The following STPG2 variants were observed in gnomAD, a reference collection of about 807,000 sequenced individuals.
STPG2 encodes sperm-tail PG-rich repeat-containing protein 2.
STPG2 carries 56 observed loss-of-function variants against 54.2 expected under a neutral mutation model. That is an observed-to-expected ratio of 1.03 (90% CI 0.83 to 1.29). The LOEUF is 1.29. STPG2 is among the 50% of genes most tolerant of loss of function. The pLI, the probability that STPG2 is intolerant of heterozygous loss-of-function variation, is 0.00. For synonymous variants in STPG2, 200 were observed against 181.8 expected (o/e 1.10, Z -0.81); for missense variants, 596 against 544.9 (o/e 1.09, Z -0.93).
At chr4:97,808,343 A>G (rs1727634477) in intron 9 of STPG2, among the ~76,000 whole-genome samples, 1 of 152,038 alleles carries the variant, frequency 6.6e-6, no homozygotes, top group Non-Finnish European at 1.5e-5. Flanking sequence ...AAACAAAATT[A>G]AAATGTTATA....
At chr4:97,762,995 C>T (rs952086610) in intron 9 of STPG2, among the ~76,000 whole-genome samples, 4 of 152,012 alleles carry the variant, frequency 2.6e-5, no homozygotes, top group Non-Finnish European at 4.4e-5. Flanking sequence ...CTTAACATAC[C>T]TCTGTTTCCC....
chr4:97,937,310 A>T (rs752932747), intron 8 of STPG2, among the ~76,000 whole-genome samples: 1 of 151,934 alleles, frequency 6.6e-6, no homozygotes, highest in Non-Finnish European at 1.5e-5. Context: ...GCTTCTTTGC[A>T]TTGGGTTAGA....
At chr4:97,565,484 C>T (rs1394204057) in intron 10 of STPG2, among the ~76,000 whole-genome samples, 3 of 152,190 alleles carry the variant, frequency 2.0e-5, no homozygotes, top group Non-Finnish European at 2.9e-5. Context: ...TGAGGAGCTG[C>T]GTTCCTTTGT....
chr4:97,911,529 T>A (rs1217863554), intron 8 of STPG2, among the ~76,000 whole-genome samples: 2 of 152,092 alleles, frequency 1.3e-5, no homozygotes, highest in Non-Finnish European at 2.9e-5. Flanking sequence ...TGGTCCAGAT[T>A]GGGAGGAATT....
chr4:97,682,149 T>C (rs150324860), intron 10 of STPG2, among the ~76,000 whole-genome samples: 1 of 151,766 alleles, frequency 6.6e-6, no homozygotes, highest in Non-Finnish European at 1.5e-5. Flanking sequence ...ATGAATTATA[T>C]AGGTCACAGT....
intron 9 of STPG2, among the ~76,000 whole-genome samples, chr4:97,771,811 G>T (rs1726227879): frequency 6.6e-6 from 1 of 152,228 alleles, no homozygotes; most frequent in African/African-American, 2.4e-5. Flanking sequence ...GGAGTACCAT[G>T]GGAAACAGAT....
At chr4:97,939,939 T>G (rs889282933) in intron 8 of STPG2, among the ~76,000 whole-genome samples, 2 of 152,150 alleles carry the variant, frequency 1.3e-5, no homozygotes, top group South Asian at 2.1e-4. Context: ...TAGCTGGTAG[T>G]GGTGTTTCCT....
chr4:97,888,491 G>A (rs1311809795), intron 8 of STPG2, among the ~76,000 whole-genome samples: 4 of 152,172 alleles, frequency 2.6e-5, no homozygotes, highest in African/African-American at 9.7e-5. Flanking sequence ...TTTCAGATTT[G>A]TACAGGGCCT....
At chr4:97,474,206 T>C (rs1730016023) in intron 4 of STPG2, among the ~76,000 whole-genome samples, 1 of 152,004 alleles carries the variant, frequency 6.6e-6, no homozygotes, top group South Asian at 2.1e-4. Flanking sequence ...GAACTCTCCA[T>C]ACATTTTGTT....
chr4:98,035,480 G>A (rs1332271215), intron 5 of STPG2, among the ~76,000 whole-genome samples: 8 of 152,116 alleles, frequency 5.3e-5, no homozygotes, highest in Non-Finnish European at 1.0e-4. Flanking sequence ...AAATAGGAAC[G>A]CTCTTCCACT....
chr4:97,904,746 A>C (rs1731333924), intron 8 of STPG2, among the ~76,000 whole-genome samples: 1 of 152,228 alleles, frequency 6.6e-6, no homozygotes, highest in African/African-American at 2.4e-5. Flanking sequence ...AATAATCAAT[A>C]CAGAGAAGTG....
chr4:97,453,276 G>A (rs1047186058), intron 4 of STPG2, among the ~76,000 whole-genome samples: 7 of 152,180 alleles, frequency 4.6e-5, no homozygotes, highest in Admixed American at 1.3e-4. Flanking sequence ...CATCCATGTC[G>A]GCACTGGAGC....
chr4:98,018,506 G>C (rs935385872), intron 5 of STPG2, among the ~76,000 whole-genome samples: 2 of 152,200 alleles, frequency 1.3e-5, no homozygotes, highest in Non-Finnish European at 2.9e-5. Flanking sequence ...ATAGCAGCAT[G>C]ATTTATAATC....
At chr4:97,962,368 A>C (rs1216417712) in intron 7 of STPG2, among the ~76,000 whole-genome samples, 2 of 152,188 alleles carry the variant, frequency 1.3e-5, no homozygotes, top group Non-Finnish European at 2.9e-5. Context: ...TTTAAAAAAA[A>C]ATTAAGTGGC....
chr4:98,136,372 A>T (rs1052971577), intron 1 of STPG2, among the ~76,000 whole-genome samples: 1 of 151,728 alleles, frequency 6.6e-6, no homozygotes, highest in Non-Finnish European at 1.5e-5. Context: ...AATAGCATAG[A>T]TTAGTTTAGC....
At chr4:97,536,859 A>G (rs1344922910) in intron 4 of STPG2, among the ~76,000 whole-genome samples, 2 of 152,284 alleles carry the variant, frequency 1.3e-5, no homozygotes, top group South Asian at 4.1e-4. Context: ...GCCCACCTGT[A>G]ACACTGCTAT....
chr4:97,641,467 T>C (rs994111292), intron 10 of STPG2, among the ~76,000 whole-genome samples: 3 of 151,546 alleles, frequency 2.0e-5, no homozygotes, highest in Non-Finnish European at 4.4e-5. Flanking sequence ...TATATGAACA[T>C]TCATATCTAT....
chr4:98,130,816 A>G (rs6832373), intron 2 of STPG2, among the ~76,000 whole-genome samples: 58,998 of 149,778 alleles, frequency 0.39, 11,821 homozygotes, highest in Middle Eastern at 0.45. Context: ...CAGCTACTCA[A>G]GAAGCTGTGG....
At chr4:97,569,762 T>A (rs1311060514) in intron 10 of STPG2, among the ~76,000 whole-genome samples, 1 of 152,018 alleles carries the variant, frequency 6.6e-6, no homozygotes, top group Non-Finnish European at 1.5e-5. Flanking sequence ...TGATGCTAAA[T>A]ATAGGTAAGG....
Sources: allele counts gnomAD v4.1 joint callset (sites outside exome capture counted in the v4.1 genomes callset), GRCh38; gene constraint gnomAD v4.1.1; transcripts MANE v1.5; gene names NCBI Gene and HGNC (gene_info 2026-07-23, HGNC 2026-07-21).